The following CNTNAP2 variants were observed in gnomAD, a reference collection of about 807,000 sequenced individuals.
CNTNAP2 encodes contactin-associated protein-like 2.
CNTNAP2 carries 98 observed loss-of-function variants against 155.2 expected under a neutral mutation model. That is an observed-to-expected ratio of 0.63 (90% CI 0.54 to 0.75). The LOEUF is 0.75. Ranked by LOEUF, CNTNAP2 falls within the 30% of genes least tolerant of loss-of-function variation. The pLI, the probability that CNTNAP2 is intolerant of heterozygous loss-of-function variation, is 0.00. For missense variants in CNTNAP2, 1,727 were observed against 1,688.1 expected (o/e 1.02, Z -0.40); for synonymous variants, 651 against 631.2 (o/e 1.03, Z -0.47).
chr7:148,252,583 AGGGTCGGGGAGAG>A (rs1312012780), intron 20 of CNTNAP2, among the ~76,000 whole-genome samples: 1 of 152,160 alleles, frequency 6.6e-6, no homozygotes, highest in African/African-American at 2.4e-5. Flanking sequence ...TGACTATTTC[AGGGTCGGGGAGAG>A]GGGTACACAG....
At chr7:146,999,720 G>T (rs938637357) in intron 3 of CNTNAP2, among the ~76,000 whole-genome samples, 1 of 151,886 alleles carries the variant, frequency 6.6e-6, no homozygotes, top group Non-Finnish European at 1.5e-5. Flanking sequence ...CTCTTAGCCC[G>T]TAAGATTTTT....
At chr7:147,983,129 ACT>A (rs1295533837) in intron 15 of CNTNAP2, among the ~76,000 whole-genome samples, 4 of 151,746 alleles carry the variant, frequency 2.6e-5, no homozygotes, top group Admixed American at 1.3e-4. Context: ...CATGGCAGTA[ACT>A]CTCTTTCAGA....
intron 1 of CNTNAP2, among the ~76,000 whole-genome samples, chr7:146,407,644 A>T (rs1795811083): frequency 6.6e-6 from 1 of 152,142 alleles, no homozygotes; most frequent in African/African-American, 2.4e-5. Context: ...TTGCCTCCTA[A>T]TCATCTACTG....
intron 2 of CNTNAP2, among the ~76,000 whole-genome samples, chr7:146,831,907 C>T (rs1255852052): frequency 6.6e-6 from 1 of 152,044 alleles, no homozygotes; most frequent in Non-Finnish European, 1.5e-5. Flanking sequence ...TAAAAAATAG[C>T]TTTCAAGCTC....
At chr7:147,273,913 T>C (rs978626545) in intron 8 of CNTNAP2, among the ~76,000 whole-genome samples, 25 of 148,104 alleles carry the variant, frequency 1.7e-4, no homozygotes, top group Non-Finnish European at 3.0e-4. Context: ...TATTACGTAT[T>C]TTATATATTT....
At chr7:146,484,037 T>C (rs1392826221) in intron 1 of CNTNAP2, among the ~76,000 whole-genome samples, 1 of 152,218 alleles carries the variant, frequency 6.6e-6, no homozygotes, top group African/African-American at 2.4e-5. Flanking sequence ...TATACAAGTG[T>C]ACCATTTCTT....
At chr7:147,001,194 G>A (rs189801007) in intron 3 of CNTNAP2, among the ~76,000 whole-genome samples, 2 of 151,984 alleles carry the variant, frequency 1.3e-5, no homozygotes, top group African/African-American at 4.8e-5. Context: ...CTATGACAAG[G>A]TACAGTCATC....
At chr7:147,849,448 A>G (rs80305973) in intron 13 of CNTNAP2, among the ~76,000 whole-genome samples, 6,033 of 152,214 alleles carry the variant, frequency 0.04, 173 homozygotes, top group South Asian at 0.062. Context: ...TCAGGATTTT[A>G]CTCCAGACTG....
At chr7:146,617,787 G>T (rs1271449442) in intron 1 of CNTNAP2, among the ~76,000 whole-genome samples, 2 of 152,028 alleles carry the variant, frequency 1.3e-5, no homozygotes, top group Non-Finnish European at 2.9e-5. Flanking sequence ...TCTCATAAAA[G>T]TCAAGTCTGA....
intron 21 of CNTNAP2, among the ~76,000 whole-genome samples, chr7:148,277,419 C>T (rs2116854600): frequency 6.6e-6 from 1 of 152,246 alleles, no homozygotes; most frequent in South Asian, 2.1e-4. Context: ...CTTTCGCATC[C>T]TCCGTCTCCC....
In CNTNAP2 at chr7:148,354,820, C is replaced by T. The variant is rs1008209663; in HGVS notation, c.3476-28829C>T. Among the ~76,000 whole-genome samples, 17 of 152,228 alleles carry T rather than the reference C, an allele frequency of 1.1e-4. 1 individual carries two copies. Among genetic ancestry groups the T allele is most frequent in the East Asian group, 7.7e-4 (4 of 5,168 alleles). ...GGCCAGCCCACCTGGCTAGCAAGAA[C>T]TTACCTTCCTGAGCATGCCTGGGGA... On this transcript the variant is annotated intron_variant, in intron 21 of 23. Transcript: ENST00000361727.
intron 15 of CNTNAP2, among the ~76,000 whole-genome samples, chr7:148,079,776 A>T (rs1803561040): frequency 6.6e-6 from 1 of 152,180 alleles, no homozygotes; most frequent in Non-Finnish European, 1.5e-5. Flanking sequence ...GAAAGTCTTA[A>T]GATCTCTATT....
chr7:146,915,194 A>T (rs542329612), intron 3 of CNTNAP2, among the ~76,000 whole-genome samples: 1 of 152,078 alleles, frequency 6.6e-6, no homozygotes, highest in South Asian at 2.1e-4. Flanking sequence ...TACCAGTACC[A>T]TGCTGTTTTG....
intron 1 of CNTNAP2, among the ~76,000 whole-genome samples, chr7:146,233,301 G>A (rs536209349): frequency 3.9e-5 from 6 of 152,198 alleles, no homozygotes; most frequent in African/African-American, 4.8e-5. Flanking sequence ...TTCACCTTGC[G>A]ATGAGGTCAA....
intron 13 of CNTNAP2, among the ~76,000 whole-genome samples, chr7:147,742,060 C>A (rs753918680): frequency 2.0e-5 from 3 of 152,064 alleles, no homozygotes; most frequent in Non-Finnish European, 2.9e-5. Context: ...GGGAAACTCC[C>A]CTTTATAAAC....
chr7:146,799,702 T>G (rs1043167803), intron 2 of CNTNAP2, among the ~76,000 whole-genome samples: 2 of 152,216 alleles, frequency 1.3e-5, no homozygotes, highest in African/African-American at 4.8e-5. Context: ...CCATAGTGGT[T>G]AAGAGTGAGA....
rs1554472703 is a variant in CNTNAP2, at chr7:147,347,463, T to TATATATATGC, written c.1498+47181_1498+47182insGCATATATAT. Among the ~76,000 whole-genome samples, 502 of 67,842 alleles carry TATATATATGC rather than the reference T, an allele frequency of 7.4e-3. 21 individuals are homozygous for TATATATATGC. Among genetic ancestry groups the TATATATATGC allele is most frequent in the African/African-American group, 0.014 (422 of 29,386 alleles). 44.5% of individuals were successfully genotyped at this position (67,842 alleles called of 152,430 possible). ...ATGCATATATATATATATGCATATA[T>TATATATATGC]ATATATATATATGCATATATATATA... On this transcript the variant is annotated intron_variant, in intron 9 of 23. Transcript: ENST00000361727.
At chr7:147,655,752 G>GC (rs1295571905) in intron 13 of CNTNAP2, among the ~76,000 whole-genome samples, 1 of 152,072 alleles carries the variant, frequency 6.6e-6, no homozygotes, top group African/African-American at 2.4e-5. Context: ...TAGGATTTTT[G>GC]CAAAAGTAAA....
intron 13 of CNTNAP2, among the ~76,000 whole-genome samples, chr7:147,857,737 T>C (rs1448531425): frequency 1.3e-5 from 2 of 152,112 alleles, no homozygotes; most frequent in Non-Finnish European, 2.9e-5. Context: ...AGTTCAGAAA[T>C]AAAACTCTGA....
Sources: gnomAD v4.1 joint callset for allele counts (sites outside exome capture counted in the v4.1 genomes callset) on GRCh38, gnomAD v4.1.1 for gene constraint, MANE v1.5 for transcripts, NCBI Gene and HGNC (gene_info 2026-07-23, HGNC 2026-07-21) for gene names.